Variants in DDAH1 observed in about 807,000 individuals in gnomAD.
DDAH1 encodes the protein N(G),N(G)-dimethylarginine dimethylaminohydrolase 1.
In DDAH1, 19 loss-of-function variants were observed where a neutral mutation model predicts 28.8. The ratio of observed to expected loss-of-function variants is 0.66; its 90% CI spans 0.46 to 0.97. The LOEUF (loss-of-function observed/expected upper bound fraction) is 0.97. Ranked by LOEUF, DDAH1 falls within the 50% of genes least tolerant of loss-of-function variation. DDAH1 has a pLI of 0.00. For synonymous variants in DDAH1, 153 were observed against 154.4 expected (o/e 0.99, Z 0.07); for missense variants, 326 against 375.9 (o/e 0.87, Z 1.10).
At chr1:85,381,328 A>G (rs1303736229) in intron 1 of DDAH1, among the ~76,000 whole-genome samples, 1 of 124,902 alleles carries the variant, frequency 8.0e-6, no homozygotes, top group East Asian at 2.4e-4. Context: ...TTGTCATTAC[A>G]ATGTTTTCAG....
At position 85,464,696 on chromosome 1, in the gene DDAH1, G is replaced by C; in HGVS notation, c.303+47C>G. ...GGCAACACGGCGGCCGGCGGCGGGG[G>C]AGGGCCTGGCGCGCGCCCCGGCCGC... On this transcript the variant is annotated intron_variant, in intron 1 of 5. Transcript: ENST00000284031. The surrounding 1 kb of genome is among the most constrained non-coding windows in gnomAD (Gnocchi z 4.4). The C allele has an allele frequency of 1.4e-6, 2 of 1,433,732 alleles. No homozygotes were observed. Among genetic ancestry groups the C allele is most frequent in the South Asian group, 1.5e-5 (1 of 67,646 alleles). 88.8% of individuals were successfully genotyped at this position (1,433,732 alleles called of 1,614,324 possible).
At chr1:85,429,257 C>T (rs1021033754) in intron 1 of DDAH1, among the ~76,000 whole-genome samples, 4 of 150,492 alleles carry the variant, frequency 2.7e-5, no homozygotes, top group Non-Finnish European at 5.9e-5. Context: ...TGTATGAGAA[C>T]ATGCAGTGTA....
chr1:85,535,340 A>G (rs1198886938), intron 1 of DDAH1, among the ~76,000 whole-genome samples: 2 of 138,970 alleles, frequency 1.4e-5, no homozygotes, highest in Non-Finnish European at 3.1e-5. Flanking sequence ...AAGTTGTTCC[A>G]ATATTCCTCC....
At chr1:85,550,508 G>T (rs1436284410) in intron 1 of DDAH1, among the ~76,000 whole-genome samples, 1 of 152,172 alleles carries the variant, frequency 6.6e-6, no homozygotes, top group East Asian at 1.9e-4. Context: ...TTAAAGGGGA[G>T]AATTATTTGG....
chr1:85,574,875 A>ATCTCTC (rs145762144), intron 1 of DDAH1, among the ~76,000 whole-genome samples: 1 of 151,382 alleles, frequency 6.6e-6, no homozygotes, highest in Non-Finnish European at 1.5e-5. Context: ...GTGAAAACCC[A>ATCTCTC]TCTCTCTCTC....
chr1:85,365,180 G>A (rs903240204), intron 1 of DDAH1, among the ~76,000 whole-genome samples: 34 of 152,162 alleles, frequency 2.2e-4, no homozygotes, highest in African/African-American at 8.0e-4. Context: ...AAGTCTCATA[G>A]CAAGTAAGCA....
intron 1 of DDAH1, among the ~76,000 whole-genome samples, chr1:85,540,499 T>C (rs575084323): frequency 6.6e-6 from 1 of 152,330 alleles, no homozygotes; most frequent in South Asian, 2.1e-4. Flanking sequence ...AACTACTCTT[T>C]GTATCTTGTG....
At chr1:85,475,415 C>T (rs766552226) in intron 2 of DDAH1, among the ~76,000 whole-genome samples, 22 of 152,150 alleles carry the variant, frequency 1.4e-4, no homozygotes, top group Non-Finnish European at 2.9e-4. Context: ...TTCCTCTTTC[C>T]TATTCCATTA....
chr1:85,438,182 G>A, intron 1 of DDAH1, among the ~76,000 whole-genome samples: 1 of 152,168 alleles, frequency 6.6e-6, no homozygotes, highest in Non-Finnish European at 1.5e-5. Flanking sequence ...TTACTAGAGG[G>A]TGGAGGGTTG....
At chr1:85,403,844 C>G (rs1292203062) in intron 1 of DDAH1, among the ~76,000 whole-genome samples, 1 of 152,116 alleles carries the variant, frequency 6.6e-6, no homozygotes, top group Non-Finnish European at 1.5e-5. Flanking sequence ...TATTTTATGT[C>G]AAGTTGTTTA....
At chr1:85,520,265 G>C (rs2100761756) in intron 1 of DDAH1, among the ~76,000 whole-genome samples, 1 of 152,154 alleles carries the variant, frequency 6.6e-6, no homozygotes, top group East Asian at 1.9e-4. Context: ...ACTTTTCTGT[G>C]CATATAAAAT....
chr1:85,376,982 G>A (rs1650708240), intron 1 of DDAH1: 1 of 152,188 alleles, frequency 6.6e-6, no homozygotes, highest in Non-Finnish European at 1.5e-5. Context: ...ATCACCTAAT[G>A]TATGTCAAAG....
At chr1:85,352,416 T>C (rs1649267184) in intron 2 of DDAH1, among the ~76,000 whole-genome samples, 1 of 152,272 alleles carries the variant, frequency 6.6e-6, no homozygotes, top group Middle Eastern at 3.4e-3. Flanking sequence ...TGGATACAAA[T>C]GATTGTAATA....
rs553498436 is a variant in DDAH1 at position 85,318,716 on chromosome 1, G to C, written c.*2736C>G. On this transcript the variant is annotated 3_prime_UTR_variant, in exon 6 of 6. Transcript: ENST00000284031. ...AAATCATGTCTGAGTTCTGGAGAAA[G>C]TTAAAGTGTAAATAATTACAAAGAC... 2 of 152,748 alleles carry C rather than the reference G, an allele frequency of 1.3e-5. No homozygotes were observed. The highest frequency in any genetic ancestry group is 2.1e-4 in the South Asian group (1 of 4,834). 9.5% of individuals were successfully genotyped at this position (152,748 alleles called of 1,614,324 possible).
At chr1:85,511,565 G>C (rs999971348) in intron 1 of DDAH1, among the ~76,000 whole-genome samples, 4 of 152,104 alleles carry the variant, frequency 2.6e-5, no homozygotes, top group African/African-American at 7.2e-5. Flanking sequence ...CCAGGAGCTG[G>C]TTTTTTGAAA....
chr1:85,469,916 C>A (rs189520647), upstream of DDAH1, among the ~76,000 whole-genome samples: 1 of 152,306 alleles, frequency 6.6e-6, no homozygotes, highest in African/African-American at 2.4e-5. Flanking sequence ...CTCTGTTTGA[C>A]ATACCTAAAG....
intron 1 of DDAH1, among the ~76,000 whole-genome samples, chr1:85,458,201 C>G (rs1389525114): frequency 5.3e-5 from 8 of 152,148 alleles, no homozygotes; most frequent in African/African-American, 1.9e-4. Context: ...TAAACCAACC[C>G]TGTATTAGTT....
At chr1:85,485,859 G>C (rs1431007013) in intron 2 of DDAH1, among the ~76,000 whole-genome samples, 3 of 152,156 alleles carry the variant, frequency 2.0e-5, no homozygotes, top group Non-Finnish European at 4.4e-5. Context: ...AGAGTGAAGT[G>C]AATTAACAAA....
intron 1 of DDAH1, among the ~76,000 whole-genome samples, chr1:85,359,049 G>A (rs192387067): frequency 4.3e-4 from 66 of 152,150 alleles, no homozygotes; most frequent in African/African-American, 1.5e-3. Context: ...GTTAAAAATT[G>A]TTTATTTTGT....
Sources: allele counts gnomAD v4.1 joint callset (sites outside exome capture counted in the v4.1 genomes callset), GRCh38; gene constraint gnomAD v4.1.1; non-coding constraint Gnocchi (gnomAD v3.1); transcripts MANE v1.5; gene names NCBI Gene and HGNC (gene_info 2026-07-23, HGNC 2026-07-21).